Variants in CDH2 observed in about 807,000 individuals in gnomAD.
The protein encoded by CDH2 is cadherin 2.
In CDH2, 17 loss-of-function variants were observed where a neutral mutation model predicts 92.0. That is an observed-to-expected ratio of 0.18 (90% confidence interval 0.13 to 0.28). The LOEUF (loss-of-function observed/expected upper bound fraction) is 0.28. Among genes scored for constraint, CDH2 ranks in the 10% least tolerant of loss-of-function variants. The pLI, the probability that CDH2 is intolerant of heterozygous loss-of-function variation, is 1.00. For missense variants in CDH2, 862 were observed against 1,133.1 expected (o/e 0.76, Z 3.44); for synonymous variants, 419 against 415.9 (o/e 1.01, Z -0.09).
chr18:28,086,473 A>T (rs913704907), intron 2 of CDH2, among the ~76,000 whole-genome samples: 1 of 152,024 alleles, frequency 6.6e-6, no homozygotes, highest in African/African-American at 2.4e-5. Context: ...CCACTGAGAA[A>T]GACTGTGTAC....
chr18:28,066,547 T>C (rs1272190686), intron 2 of CDH2, among the ~76,000 whole-genome samples: 1 of 152,134 alleles, frequency 6.6e-6, no homozygotes, highest in East Asian at 1.9e-4. Context: ...TCTCCTTTTC[T>C]TACTGCCTAT....
At chr18:28,170,084 T>C (rs919874129) in intron 1 of CDH2, among the ~76,000 whole-genome samples, 15 of 152,232 alleles carry the variant, frequency 9.9e-5, no homozygotes, top group African/African-American at 3.6e-4. Flanking sequence ...TATTCCATGA[T>C]GTCAGCATGG....
chr18:28,151,506 C>A (rs1355981175), intron 1 of CDH2, among the ~76,000 whole-genome samples: 1 of 152,160 alleles, frequency 6.6e-6, no homozygotes, highest in Non-Finnish European at 1.5e-5. Context: ...TGTTCTACAG[C>A]AACACATGAA....
At chr18:28,036,778 G>A (rs2144097318) in intron 2 of CDH2, among the ~76,000 whole-genome samples, 1 of 152,192 alleles carries the variant, frequency 6.6e-6, no homozygotes, top group East Asian at 1.9e-4. Flanking sequence ...CCAACCTTGG[G>A]CACAACACAA....
chr18:28,083,129 T>A (rs1392871884), intron 2 of CDH2, among the ~76,000 whole-genome samples: 1 of 152,158 alleles, frequency 6.6e-6, no homozygotes, highest in Non-Finnish European at 1.5e-5. Flanking sequence ...TTCTTTCAAT[T>A]AGCTACTGGA....
chr18:27,967,885 T>C (rs1472417680), intron 14 of CDH2, among the ~76,000 whole-genome samples: 4 of 152,218 alleles, frequency 2.6e-5, no homozygotes, highest in Non-Finnish European at 1.5e-5. Context: ...TTGGTTATGC[T>C]ACAATAAAAT....
chr18:27,935,779 A>C (rs1909003873), intron 6 of CDH2, among the ~76,000 whole-genome samples: 1 of 152,202 alleles, frequency 6.6e-6, no homozygotes, highest in Non-Finnish European at 1.5e-5. Flanking sequence ...TCTATTGTTC[A>C]ATGGCTATCT....
intron 2 of CDH2, among the ~76,000 whole-genome samples, chr18:28,046,866 G>A (rs1392269933): frequency 6.6e-6 from 1 of 152,172 alleles, no homozygotes; most frequent in Non-Finnish European, 1.5e-5. Context: ...TTGGAGTAAT[G>A]GATAAAAGTG....
chr18:28,131,683 G>GGTGTGTGTGTGTGTGTGTGTGT (rs33990872), intron 2 of CDH2, among the ~76,000 whole-genome samples: 2 of 150,296 alleles, frequency 1.3e-5, no homozygotes, highest in Non-Finnish European at 3.0e-5. Context: ...AAGCATTTGT[G>GGTGTGTGTGTGTGTGTGTGTGT]GTGTGTGTGT....
intron 2 of CDH2, among the ~76,000 whole-genome samples, chr18:28,052,512 G>T (rs1010191241): frequency 1.3e-4 from 14 of 105,054 alleles, no homozygotes; most frequent in Non-Finnish European, 2.7e-4. Flanking sequence ...TATTTGTTTG[G>T]AAAGGGAGAG....
chr18:28,107,883 A>T (rs2015348850), intron 2 of CDH2, among the ~76,000 whole-genome samples: 1 of 152,228 alleles, frequency 6.6e-6, no homozygotes, highest in African/African-American at 2.4e-5. Flanking sequence ...AAAAGAAAAA[A>T]GAAAAACACC....
At chr18:27,986,426 G>C (rs17445798) in intron 11 of CDH2, among the ~76,000 whole-genome samples, 1 of 152,132 alleles carries the variant, frequency 6.6e-6, no homozygotes, top group Admixed American at 6.5e-5. Context: ...ACACACTCTT[G>C]TAAGTGGTGG....
intron 6 of CDH2, among the ~76,000 whole-genome samples, chr18:27,941,032 CCTTT>C (rs1909124149): frequency 7.0e-6 from 1 of 141,976 alleles, no homozygotes; most frequent in African/African-American, 2.6e-5. Flanking sequence ...CTAAGTAGCA[CCTTT>C]TTTTTTTTTT....
At chr18:27,980,828 A>G (rs1456094055) in intron 14 of CDH2, among the ~76,000 whole-genome samples, 1 of 151,952 alleles carries the variant, frequency 6.6e-6, no homozygotes, top group African/African-American at 2.4e-5. Context: ...AAAAGCCAAA[A>G]GCCAACAAGC....
At chr18:28,066,391 C>A (rs773415525) in intron 2 of CDH2, among the ~76,000 whole-genome samples, 6 of 152,056 alleles carry the variant, frequency 3.9e-5, no homozygotes, top group African/African-American at 1.2e-4. Context: ...AAGGTTGCCA[C>A]CTTTAGCACA....
At chr18:27,981,542 G>A (rs1427881579) in intron 14 of CDH2, among the ~76,000 whole-genome samples, 2 of 152,162 alleles carry the variant, frequency 1.3e-5, no homozygotes, top group African/African-American at 2.4e-5. Flanking sequence ...ATCAGAACAT[G>A]AGGCCTTGAG....
At chr18:28,092,695 C>T (rs1024971998) in intron 2 of CDH2, among the ~76,000 whole-genome samples, 2 of 152,038 alleles carry the variant, frequency 1.3e-5, no homozygotes, top group African/African-American at 2.4e-5. Context: ...GAAAAAGTCC[C>T]TAATTCAGAG....
chr18:27,939,434 G>A (rs980375687), intron 6 of CDH2, among the ~76,000 whole-genome samples: 3 of 152,152 alleles, frequency 2.0e-5, no homozygotes, highest in African/African-American at 4.8e-5. Context: ...AACCTCCTAC[G>A]TGACCTTTAT....
intron 2 of CDH2, among the ~76,000 whole-genome samples, chr18:28,051,742 T>C (rs1195483769): frequency 2.6e-5 from 4 of 152,130 alleles, no homozygotes; most frequent in Non-Finnish European, 5.9e-5. Flanking sequence ...TCTAAATCTA[T>C]AGGGAAACTA....
Sources: allele counts gnomAD v4.1 joint callset (sites outside exome capture counted in the v4.1 genomes callset), GRCh38; gene constraint gnomAD v4.1.1; transcripts MANE v1.5; gene names NCBI Gene and HGNC (gene_info 2026-07-23, HGNC 2026-07-21).